The following ELP4 variants were observed in gnomAD, a reference collection of about 807,000 sequenced individuals.
The protein encoded by ELP4 is elongator complex protein 4.
A neutral mutation model predicts 48.9 loss-of-function variants in ELP4; 51 were observed. That is an observed-to-expected ratio of 1.04 (90% CI 0.83 to 1.32). ELP4 has a LOEUF of 1.32. Among genes scored for constraint, ELP4 ranks in the 40% most tolerant of loss-of-function variants. The pLI is 0.00. For missense variants in ELP4, 519 were observed against 514.6 expected (o/e 1.01, Z -0.08); for synonymous variants, 210 against 189.2 (o/e 1.11, Z -0.90).
chr11:31,730,713 C>G (rs937836797), intron 9 of ELP4, among the ~76,000 whole-genome samples: 4 of 152,040 alleles, frequency 2.6e-5, no homozygotes, highest in African/African-American at 9.7e-5. Context: ...ATAGCAGACA[C>G]AGGAAAATAC....
intron 9 of ELP4, among the ~76,000 whole-genome samples, chr11:31,783,059 A>G (rs1311697623): frequency 2.0e-5 from 3 of 152,218 alleles, no homozygotes; most frequent in African/African-American, 4.8e-5. Flanking sequence ...TTTATGCGAT[A>G]TTTCCAACGT....
chr11:31,662,777 A>G, intron 9 of ELP4: 1 of 386,642 alleles, frequency 2.6e-6, no homozygotes, highest in East Asian at 3.6e-5. Context: ...AATGTCTTTG[A>G]CAAAATACCT....
chr11:31,510,001 C>G lies in ELP4; in HGVS notation c.217C>G (p.Leu73Val). 1 of 1,611,190 alleles carries G rather than the reference C, an allele frequency of 6.2e-7. No homozygotes were observed. The highest frequency in any genetic ancestry group is 8.5e-7 in the Non-Finnish European group (1 of 1,179,598). ...VSTGLPALDQLLGGGLAVGTV... is the reference protein window; with the variant it reads ...VSTGLPALDQVLGGGLAVGTV... ...AACCGGGCTCCCAGCCCTAGACCAG[C>G]TCTTAGGTCGGTTCAGAGCGGAGAT... Residue 73 changes from leucine (L) to valine (V), a missense_variant, in exon 1 of 10, where the codon CTC becomes GTC. Coordinates refer to ENST00000640961, the MANE Select transcript of ELP4 (RefSeq NM_019040.5).
intron 9 of ELP4, among the ~76,000 whole-genome samples, chr11:31,778,890 GT>G (rs1403263964): frequency 1.3e-5 from 2 of 152,048 alleles, no homozygotes; most frequent in Non-Finnish European, 2.9e-5. Flanking sequence ...AGTTTTAAAG[GT>G]TTTTTTGTAG....
At chr11:31,737,329 G>A (rs890363794) in intron 9 of ELP4, among the ~76,000 whole-genome samples, 1 of 152,058 alleles carries the variant, frequency 6.6e-6, no homozygotes, top group African/African-American at 2.4e-5. Context: ...GGGGTAGGGG[G>A]AGTGGGGAGG....
chr11:31,622,023 A>G (rs1944632903), intron 5 of ELP4, among the ~76,000 whole-genome samples: 1 of 151,876 alleles, frequency 6.6e-6, no homozygotes, highest in Non-Finnish European at 1.5e-5. Flanking sequence ...GACTATACTT[A>G]ACCTCACAAG....
intron 3 of ELP4, among the ~76,000 whole-genome samples, chr11:31,542,132 G>A (rs1392645824): frequency 6.6e-6 from 1 of 152,132 alleles, no homozygotes; most frequent in Admixed American, 6.5e-5. Flanking sequence ...CGAAACACTT[G>A]GCATCAGATA....
At chr11:31,778,832 G>A (rs1480515677) in intron 9 of ELP4, among the ~76,000 whole-genome samples, 1 of 152,156 alleles carries the variant, frequency 6.6e-6, no homozygotes, top group Non-Finnish European at 1.5e-5. Context: ...GTATTTATAA[G>A]TTGTTGTTTT....
At chr11:31,660,951 T>A (rs1945542693) in intron 9 of ELP4, among the ~76,000 whole-genome samples, 1 of 152,078 alleles carries the variant, frequency 6.6e-6, no homozygotes, top group Non-Finnish European at 1.5e-5. Flanking sequence ...CTGTACTAAA[T>A]ACAAAGAAAA....
intron 9 of ELP4, among the ~76,000 whole-genome samples, chr11:31,664,903 G>A (rs535643794): frequency 1.3e-5 from 2 of 151,964 alleles, no homozygotes; most frequent in African/African-American, 2.4e-5. Context: ...TAATCAATGC[G>A]CAATTAATAA....
chr11:31,632,396 T>C lies in ELP4; in HGVS notation c.918T>C (p.His306=), dbSNP rs2134046571. The stretch of plus-strand genomic sequence containing the variant: ...CCTGCATCATCACAATGCCAACACA[T>C]CTGATCCAGGTACGAAATTTCCAGA... The part of the protein sequence containing the change: ...LSACIITMPT[H]LIQNKAIIAR... The change falls in exon 7 of 10, where the codon CAT becomes CAC. Residue 306 remains histidine (H), a synonymous_variant. Coordinates refer to ENST00000640961, the MANE Select transcript of ELP4 (RefSeq NM_019040.5). The C allele has an allele frequency of 1.2e-6, 2 of 1,606,964 alleles. No individual in the cohort carries two copies. Among genetic ancestry groups the C allele is most frequent in the Non-Finnish European group, 1.7e-6 (2 of 1,177,906 alleles).
chr11:31,678,495 A>ATGTG lies in ELP4; in HGVS notation c.1143+28318_1143+28321dup, dbSNP rs71060498. 8.2e-3 allele frequency among the ~76,000 whole-genome samples: 1,126 copies of ATGTG among 137,438 alleles called. 17 individuals carry two copies. The highest frequency in any genetic ancestry group is 0.031 in the African/African-American group (1,021 of 32,840). The allele number at this position is 137,438 out of a possible 152,430, so 90.2% of individuals were successfully genotyped here. On this transcript the variant is annotated intron_variant, in intron 9 of 9. Transcript: ENST00000640961. ...TATTATTTATTGCATACATATATGT[A>ATGTG]TGTGTGTGTGTGTGTGTGTGTGTGT... is the stretch of plus-strand genomic sequence containing the variant.
chr11:31,693,516 T>C (rs1251254314), intron 9 of ELP4, among the ~76,000 whole-genome samples: 1 of 152,176 alleles, frequency 6.6e-6, no homozygotes, highest in Non-Finnish European at 1.5e-5. Flanking sequence ...TGCATAGTAT[T>C]CCATTGTGTA....
chr11:31,593,250 G>GTTGTTA (rs1306059408), intron 3 of ELP4, among the ~76,000 whole-genome samples: 1 of 151,464 alleles, frequency 6.6e-6, no homozygotes, highest in East Asian at 1.9e-4. Context: ...TGTTGTTGTT[G>GTTGTTA]TTGTTGTTGT....
chr11:31,711,041 A>G (rs1008601231), intron 9 of ELP4, among the ~76,000 whole-genome samples: 3 of 152,206 alleles, frequency 2.0e-5, no homozygotes, highest in African/African-American at 7.2e-5. Flanking sequence ...ATAGTTCACT[A>G]TGCTCTTTTA....
chr11:31,782,475 A>G (rs555370952), intron 9 of ELP4, among the ~76,000 whole-genome samples: 9 of 152,378 alleles, frequency 5.9e-5, no homozygotes, highest in African/African-American at 1.9e-4. Flanking sequence ...CACACAACAG[A>G]TAAGTTCCTT....
At chr11:31,780,561 C>G (rs1948348544) in intron 9 of ELP4, 1 of 152,132 alleles carries the variant, frequency 6.6e-6, no homozygotes. Context: ...CATATTACCC[C>G]TAAATTTTTA....
intron 9 of ELP4, chr11:31,780,662 C>T (rs1948351693): frequency 6.6e-6 from 1 of 152,194 alleles, no homozygotes; most frequent in South Asian, 2.1e-4. Flanking sequence ...TCACATTTAG[C>T]TACTTTTTCT....
chr11:31,654,468 A>G (rs1365780501), intron 9 of ELP4: 2 of 151,824 alleles, frequency 1.3e-5, no homozygotes, highest in Non-Finnish European at 2.9e-5. Context: ...ATAATTGACC[A>G]ACCAGTTTTT....
Sources: allele counts gnomAD v4.1 joint callset (sites outside exome capture counted in the v4.1 genomes callset), GRCh38; gene constraint gnomAD v4.1.1; transcripts MANE v1.5; gene names NCBI Gene and HGNC (gene_info 2026-07-23, HGNC 2026-07-21).